Variants in CDC42BPA observed in about 807,000 individuals in gnomAD.
CDC42BPA encodes CDC42 binding protein kinase alpha.
Under a neutral mutation model 223.5 loss-of-function variants are expected in CDC42BPA, and 80 were observed. That is an observed-to-expected ratio of 0.36 (90% CI 0.30 to 0.43). CDC42BPA has a LOEUF of 0.43. Among genes scored for constraint, CDC42BPA ranks in the 20% least tolerant of loss-of-function variants. The pLI, the probability that CDC42BPA is intolerant of heterozygous loss-of-function variation, is 1.00. For synonymous variants in CDC42BPA, 694 were observed against 718.6 expected, an observed-to-expected ratio of 0.97 and a Z score of 0.55; for missense variants, 1,743 against 2,099.9, an observed-to-expected ratio of 0.83 and a Z score of 3.32.
chr1:227,209,353 T>C (rs1468679151), intron 3 of CDC42BPA, among the ~76,000 whole-genome samples: 2 of 143,630 alleles, frequency 1.4e-5, no homozygotes, highest in African/African-American at 2.6e-5. Flanking sequence ...TTTATTTCCT[T>C]CTCCTGCCTA....
intron 34 of CDC42BPA, among the ~76,000 whole-genome samples, chr1:227,013,322 T>G (rs1415121590): frequency 1.3e-5 from 2 of 152,104 alleles, no homozygotes; most frequent in Non-Finnish European, 2.9e-5. Context: ...AAATGCTATC[T>G]TCACTTGTTT....
chr1:227,051,888 G>A lies in CDC42BPA; in HGVS notation c.3002C>T (p.Pro1001Leu). 1 of 1,365,390 alleles carries A rather than the reference G, an allele frequency of 7.3e-7. No homozygotes were observed. Among genetic ancestry groups the A allele is most frequent in the Non-Finnish European group, 9.8e-7 (1 of 1,020,822 alleles). The allele number at this position is 1,365,390 out of a possible 1,614,324, so 84.6% of individuals were successfully genotyped here. Residue 1001 changes from proline (P) to leucine (L), a missense_variant, in exon 22 of 37, where the codon CCA becomes CTA. By Grantham distance (98) the Pro-to-Leu change is moderately conservative. Around this residue, in one of 6 missense-constraint regions of CDC42BPA, gnomAD observed 678 missense variants for 777.5 expected, o/e 0.87. Coordinates refer to ENST00000366766, the MANE Select transcript of CDC42BPA (RefSeq NM_001394014.1). ...GATGCTCCAATAAGGCACCTTAACT[G>A]GCTCAGCTTCACTAGATGTGGAAGG... ...TSPSTSSEAE[P>L]VKTVDSTPLS...
chr1:227,295,661 T>C (rs1054992171), intron 1 of CDC42BPA, among the ~76,000 whole-genome samples: 1 of 152,178 alleles, frequency 6.6e-6, no homozygotes, highest in Admixed American at 6.5e-5. Context: ...GTAAAAGACA[T>C]TTGAAGGTCC....
At chr1:227,036,593 C>T (rs967075113) in intron 24 of CDC42BPA, among the ~76,000 whole-genome samples, 19 of 152,052 alleles carry the variant, frequency 1.2e-4, no homozygotes, top group African/African-American at 4.3e-4. Context: ...CCTTGCCCGG[C>T]TAATTTTCTG....
At chr1:227,037,848 TATA>T (rs776045246) in intron 24 of CDC42BPA, among the ~76,000 whole-genome samples, 8 of 152,188 alleles carry the variant, frequency 5.3e-5, no homozygotes, top group African/African-American at 7.2e-5. Flanking sequence ...ACTAACTTGT[TATA>T]ATATGTCTGA....
intron 1 of CDC42BPA, among the ~76,000 whole-genome samples, chr1:227,298,674 T>G (rs1452597076): frequency 6.6e-6 from 1 of 152,216 alleles, no homozygotes; most frequent in Non-Finnish European, 1.5e-5. Flanking sequence ...AAAAGCTTGC[T>G]GCATTCTGGC....
At chr1:227,248,886 T>A (rs1451929486) in intron 2 of CDC42BPA, among the ~76,000 whole-genome samples, 1 of 151,978 alleles carries the variant, frequency 6.6e-6, no homozygotes, top group Admixed American at 6.5e-5. Flanking sequence ...TTCAATGCAA[T>A]CCCTGTCAAA....
chr1:227,069,745 C>T (rs1677887848), intron 21 of CDC42BPA, 32 bp downstream of exon 21: 4 of 1,445,524 alleles, frequency 2.8e-6, no homozygotes, highest in Non-Finnish European at 3.9e-6. Flanking sequence ...TTAAATTGAC[C>T]CCAGAGGATA....
intron 32 of CDC42BPA, among the ~76,000 whole-genome samples, chr1:227,020,472 T>C (rs149774982): frequency 1.3e-5 from 2 of 152,372 alleles, no homozygotes; most frequent in East Asian, 3.9e-4. Context: ...TGTACATCAA[T>C]ACTTGCTGTT....
At chr1:227,132,969 G>C (rs1220040388) in intron 10 of CDC42BPA, among the ~76,000 whole-genome samples, 1 of 150,784 alleles carries the variant, frequency 6.6e-6, no homozygotes, top group Non-Finnish European at 1.5e-5. Flanking sequence ...GAGCCCCGCC[G>C]TCCGGCAGCC....
At chr1:227,261,047 G>A (rs1011319916) in intron 1 of CDC42BPA, among the ~76,000 whole-genome samples, 37 of 150,440 alleles carry the variant, frequency 2.5e-4, no homozygotes, top group Non-Finnish European at 1.2e-4. Context: ...ACACATGAAG[G>A]TTAAAAACAG....
Position 227,317,703 on chromosome 1 carries a change from G to A in CDC42BPA, c.-521C>T, listed in dbSNP as rs1207545644. On this transcript the variant is annotated 5_prime_UTR_variant, in exon 1 of 37. Transcript: ENST00000366766. The stretch of plus-strand genomic sequence containing the variant: ...AGAAGGGGGAGGGAAAACCAAAAAT[G>A]TTGCTGCAAATCCTCCCAACCACCA... 7.5e-6 allele frequency: 3 copies of A among 398,350 alleles called. No homozygotes were observed. Among genetic ancestry groups the A allele is most frequent in the Non-Finnish European group, 1.3e-5 (3 of 226,074 alleles). 24.7% of individuals were successfully genotyped at this position (398,350 alleles called of 1,614,324 possible).
At chr1:227,113,624 A>G (rs1476227642) in intron 12 of CDC42BPA, among the ~76,000 whole-genome samples, 1 of 152,172 alleles carries the variant, frequency 6.6e-6, no homozygotes, top group Non-Finnish European at 1.5e-5. Flanking sequence ...TATTTCAAGG[A>G]ATAAAGGATG....
At chr1:227,187,913 G>A (rs1191917574) in intron 5 of CDC42BPA, among the ~76,000 whole-genome samples, 1 of 151,632 alleles carries the variant, frequency 6.6e-6, no homozygotes, top group African/African-American at 2.4e-5. Context: ...TTCATATACT[G>A]CAGAATTATC....
intron 1 of CDC42BPA, among the ~76,000 whole-genome samples, chr1:227,295,039 T>C (rs1311726510): frequency 2.0e-5 from 3 of 152,022 alleles, no homozygotes; most frequent in Non-Finnish European, 4.4e-5. Flanking sequence ...ATCTGCTATG[T>C]TACAGCAGTG....
Position 227,036,419 on chromosome 1 carries a change from C to A in CDC42BPA, c.3200-812G>T, listed in dbSNP as rs559892784. 1.8e-4 allele frequency among the ~76,000 whole-genome samples: 22 copies of A among 124,866 alleles called. No individual in the cohort carries two copies. The East Asian group carries it at 4.5e-3, about 26-fold the overall frequency. The allele number at this position is 124,866 out of a possible 152,430, so 81.9% of individuals were successfully genotyped here. A position where few individuals can be genotyped will look rare whatever the true frequency, so the allele number is the denominator to read the frequency against. On this transcript the variant is annotated intron_variant, in intron 24 of 36. Coordinates refer to ENST00000366766, the MANE Select transcript of CDC42BPA (RefSeq NM_001394014.1). ...TGAGTCATCACACACAACTTCAATT[C>A]ACTTTTTTTTTTTTTTTTTTTTTTT...
At chr1:227,202,015 G>A (rs1019054082) in intron 3 of CDC42BPA, among the ~76,000 whole-genome samples, 5 of 151,716 alleles carry the variant, frequency 3.3e-5, no homozygotes, top group Admixed American at 6.6e-5. Context: ...CTTTTTTCTC[G>A]CTCTGTCGCC....
At chr1:227,085,711 A>G (rs1247933370) in intron 16 of CDC42BPA, among the ~76,000 whole-genome samples, 2 of 152,232 alleles carry the variant, frequency 1.3e-5, no homozygotes, top group African/African-American at 4.8e-5. Context: ...GATCCAGGGA[A>G]GCTATCACTC....
At chr1:227,268,833 A>G (rs1006303995) in intron 1 of CDC42BPA, among the ~76,000 whole-genome samples, 2 of 151,404 alleles carry the variant, frequency 1.3e-5, no homozygotes, top group African/African-American at 4.9e-5. Flanking sequence ...CTACAGGCAC[A>G]TGCTACTACG....
Sources: allele counts gnomAD v4.1 joint callset (sites outside exome capture counted in the v4.1 genomes callset), GRCh38; gene constraint gnomAD v4.1.1; regional missense constraint gnomAD v4.1.1; transcripts MANE v1.5; gene names NCBI Gene and HGNC (gene_info 2026-07-23, HGNC 2026-07-21).